Variants in GLIS3 observed in about 807,000 individuals in gnomAD.
The protein encoded by GLIS3 is GLIS family zinc finger 3, also known as zinc finger protein GLIS3.
Under a neutral mutation model 78.6 loss-of-function variants are expected in GLIS3, and 53 were observed. The observed-to-expected ratio is 0.67, with a 90% CI of 0.54 to 0.85. GLIS3 has a LOEUF of 0.85. Ranked by LOEUF, GLIS3 falls within the 40% of genes least tolerant of loss-of-function variation. The pLI is 0.00. For synonymous variants in GLIS3, 684 were observed against 509.9 expected (o/e 1.34, Z -4.60); for missense variants, 1,703 against 1,231.1 (o/e 1.38, Z -5.74).
At chr9:4,439,547 C>T in the GLIS3 span, among the ~76,000 whole-genome samples, 1 of 152,136 alleles carries the variant, frequency 6.6e-6, no homozygotes, top group African/African-American at 2.4e-5. Context: ...GATTATATAT[C>T]CTTTGACCAA....
upstream of GLIS3, among the ~76,000 whole-genome samples, chr9:4,305,033 A>AT (rs912692579): frequency 4.6e-5 from 7 of 151,806 alleles, no homozygotes; most frequent in Admixed American, 3.3e-4. Context: ...CATGATCTAC[A>AT]TTTTTTTTCA....
At chr9:4,468,206 A>G in the GLIS3 span, among the ~76,000 whole-genome samples, 1 of 152,220 alleles carries the variant, frequency 6.6e-6, no homozygotes, top group East Asian at 1.9e-4. Flanking sequence ...GTTGGAAAAC[A>G]CTCTGCAGGA....
At chr9:3,902,427 G>GTCTT (rs1823375693) in intron 6 of GLIS3, among the ~76,000 whole-genome samples, 1 of 152,178 alleles carries the variant, frequency 6.6e-6, no homozygotes, top group Non-Finnish European at 1.5e-5. Context: ...TGGGAGGGGT[G>GTCTT]TCTTTCAATG....
At chr9:4,486,868 T>A in the GLIS3 span, among the ~76,000 whole-genome samples, 2 of 152,160 alleles carry the variant, frequency 1.3e-5, no homozygotes, top group Non-Finnish European at 1.5e-5. Flanking sequence ...TTATTTATTT[T>A]TTTAAGTTTT....
In GLIS3 at chr9:4,297,978, G is replaced by C. The variant is rs1484317899; in HGVS notation, c.-99+1443C>G. ...AGGCGGAGGCGACAGCGCCCGGCGGGGTACGCGCGGCTGCGACCCCGTCAC... is the reference window on the plus strand; with the variant it reads ...AGGCGGAGGCGACAGCGCCCGGCGGCGTACGCGCGGCTGCGACCCCGTCAC... On this transcript the variant is annotated intron_variant, in intron 1 of 10. Coordinates refer to ENST00000381971, the MANE Select transcript of GLIS3 (RefSeq NM_001042413.2). 2.6e-5 allele frequency among the ~76,000 whole-genome samples: 4 copies of C among 152,084 alleles called. No homozygotes were observed. The South Asian group carries it at 8.3e-4, about 31-fold the overall frequency.
chr9:4,342,096 A>G (rs1817841326), intron 2 of GLIS3, among the ~76,000 whole-genome samples: 3 of 152,050 alleles, frequency 2.0e-5, no homozygotes. Flanking sequence ...GAGGCTCTTT[A>G]GTTTAATTAG....
At chr9:4,452,972 C>CCAAAATTGGT in the GLIS3 span, among the ~76,000 whole-genome samples, 1 of 152,052 alleles carries the variant, frequency 6.6e-6, no homozygotes, top group Non-Finnish European at 1.5e-5. Context: ...GAGAGATAGA[C>CCAAAATTGGT]CAATGGAACA....
chr9:3,848,972 A>G (rs1031709931), intron 9 of GLIS3, among the ~76,000 whole-genome samples: 1 of 152,240 alleles, frequency 6.6e-6, no homozygotes, highest in African/African-American at 2.4e-5. Context: ...GAACCACAGG[A>G]GCCGTGAACA....
the GLIS3 span, among the ~76,000 whole-genome samples, chr9:4,399,469 A>G: frequency 3.9e-5 from 6 of 152,344 alleles, no homozygotes; most frequent in South Asian, 1.2e-3. Flanking sequence ...TATGAATATG[A>G]AATAATTTTC....
At chr9:3,884,526 C>G (rs1821944946) in intron 7 of GLIS3, among the ~76,000 whole-genome samples, 1 of 151,554 alleles carries the variant, frequency 6.6e-6, no homozygotes, top group Non-Finnish European at 1.5e-5. Flanking sequence ...CTCACTAGGT[C>G]TTGGGGGTGC....
At chr9:3,988,470 A>T (rs751302155) in intron 4 of GLIS3, among the ~76,000 whole-genome samples, 22 of 152,214 alleles carry the variant, frequency 1.4e-4, no homozygotes, top group Admixed American at 4.6e-4. Context: ...TGAGGTTCCC[A>T]TAATTCTCCC....
intron 4 of GLIS3, among the ~76,000 whole-genome samples, chr9:4,067,538 A>C (rs1827203165): frequency 6.6e-6 from 1 of 150,958 alleles, no homozygotes; most frequent in East Asian, 1.9e-4. Flanking sequence ...AAACATCCCT[A>C]TGAAATAATT....
At chr9:4,257,638 A>G (rs993224614) in intron 2 of GLIS3, among the ~76,000 whole-genome samples, 15 of 151,536 alleles carry the variant, frequency 9.9e-5, no homozygotes, top group African/African-American at 2.7e-4. Flanking sequence ...CACTGGCACA[A>G]TCTCGGCTCA....
chr9:4,285,962 A>G, intron 2 of GLIS3, 76 bp downstream of exon 2: 1 of 1,541,896 alleles, frequency 6.5e-7, no homozygotes, highest in Non-Finnish European at 9.0e-7. Flanking sequence ...TTTCCATAGG[A>G]TTTGCTGGCA....
chr9:4,185,044 C>G (rs1174380847), intron 2 of GLIS3, among the ~76,000 whole-genome samples: 1 of 152,136 alleles, frequency 6.6e-6, no homozygotes, highest in Non-Finnish European at 1.5e-5. Context: ...ATCACTGTAA[C>G]CTAAGATTAG....
chr9:4,192,125 T>C (rs754864202), intron 2 of GLIS3, among the ~76,000 whole-genome samples: 14 of 152,266 alleles, frequency 9.2e-5, no homozygotes, highest in Admixed American at 3.9e-4. Flanking sequence ...ACAAAAATAG[T>C]AAAGAATTGA....
At chr9:3,864,130 T>TA (rs762186317) in intron 8 of GLIS3, among the ~76,000 whole-genome samples, 1 of 152,024 alleles carries the variant, frequency 6.6e-6, no homozygotes, top group Non-Finnish European at 1.5e-5. Flanking sequence ...ACATTTGATG[T>TA]AAAAAATTCT....
At chr9:4,088,936 A>T (rs1829267630) in intron 4 of GLIS3, among the ~76,000 whole-genome samples, 2 of 152,266 alleles carry the variant, frequency 1.3e-5, no homozygotes, top group South Asian at 4.1e-4. Flanking sequence ...CTCGAGAAAA[A>T]AATGGAATAG....
intron 2 of GLIS3, among the ~76,000 whole-genome samples, chr9:4,284,630 G>T (rs1033495326): frequency 6.6e-6 from 1 of 151,894 alleles, no homozygotes; most frequent in Non-Finnish European, 1.5e-5. Context: ...ATAAATTAAG[G>T]CCTGGCACGG....
Sources: allele counts gnomAD v4.1 joint callset (sites outside exome capture counted in the v4.1 genomes callset), GRCh38; gene constraint gnomAD v4.1.1; transcripts MANE v1.5; gene names NCBI Gene and HGNC (gene_info 2026-07-23, HGNC 2026-07-21).